Variants in CNOT2 observed in about 807,000 individuals in gnomAD.
The protein encoded by CNOT2 is CCR4-NOT transcription complex subunit 2.
A neutral mutation model predicts 72.1 loss-of-function variants in CNOT2; 7 were observed. The ratio of observed to expected loss-of-function variants is 0.10; its 90% confidence interval spans 0.06 to 0.18. The LOEUF (loss-of-function observed/expected upper bound fraction) is 0.18, where lower values mean the gene tolerates loss of function less well. Ranked by LOEUF, CNOT2 falls within the 10% of genes least tolerant of loss-of-function variation. CNOT2 has a pLI of 1.00. For missense variants in CNOT2, 345 were observed against 660.3 expected (o/e 0.52, Z 5.23); for synonymous variants, 196 against 225.6 (o/e 0.87, Z 1.17).
At position 70,258,958 on chromosome 12, in the gene CNOT2, A is replaced by G. The variant is rs564322042; in HGVS notation, c.-96+15478A>G. On this transcript the variant is annotated intron_variant, in intron 1 of 15. Transcript: ENST00000229195. ...AAGGAAGAGAATGGTAGATGGGTAC[A>G]GAAAAGGGCAAATGAGGAAAGACTT... Among the ~76,000 whole-genome samples, 9 of 152,350 alleles carry G rather than the reference A, an allele frequency of 5.9e-5. No individual in the cohort carries two copies. The South Asian group carries it at 1.9e-3, about 32-fold the overall frequency.
At chr12:70,265,898 A>G (rs893598062) in intron 1 of CNOT2, among the ~76,000 whole-genome samples, 2 of 151,986 alleles carry the variant, frequency 1.3e-5, no homozygotes, top group Non-Finnish European at 2.9e-5. Flanking sequence ...AGATATGCAC[A>G]GTTCAATTTT....
intron 1 of CNOT2, among the ~76,000 whole-genome samples, chr12:70,275,789 C>T (rs1053965075): frequency 1.3e-5 from 2 of 152,076 alleles, no homozygotes; most frequent in Non-Finnish European, 2.9e-5. Flanking sequence ...CAGATTGTGT[C>T]TCTCTTTGAC....
Position 70,354,065 on chromosome 12 carries a change from C to A in CNOT2, c.*150C>A, listed in dbSNP as rs1883207667. 1 of 1,336,952 alleles carries A rather than the reference C, an allele frequency of 7.5e-7. No homozygotes were observed. The allele number at this position is 1,336,952 out of a possible 1,614,324, so 82.8% of individuals were successfully genotyped here. On this transcript the variant is annotated 3_prime_UTR_variant, in exon 16 of 16. Coordinates refer to ENST00000229195, the MANE Select transcript of CNOT2 (RefSeq NM_014515.7). ...GGCAATTGGCTTACGCAAAAGGTCA[C>A]CATTTGAGGTCCTGCCTTACTAATT...
chr12:70,342,043 C>T, intron 11 of CNOT2, 64 bp from the exon 12 acceptor site: 6 of 1,042,496 alleles, frequency 5.8e-6, no homozygotes, highest in Non-Finnish European at 9.1e-6. Flanking sequence ...TTTGTTTTTC[C>T]TGAAATAAAA....
intron 2 of CNOT2, among the ~76,000 whole-genome samples, chr12:70,295,128 C>T (rs1163397055): frequency 6.6e-6 from 1 of 152,146 alleles, no homozygotes; most frequent in Non-Finnish European, 1.5e-5. Context: ...TTCTTTCGTT[C>T]TCCTACATCT....
At position 70,354,541 on chromosome 12, in the gene CNOT2, T is replaced by C. The variant is rs1388504544; in HGVS notation, c.*626T>C. On this transcript the variant is annotated 3_prime_UTR_variant, in exon 16 of 16. Coordinates refer to ENST00000229195, the MANE Select transcript of CNOT2 (RefSeq NM_014515.7). Reference sequence around the variant, plus strand: ...GGTTGTGTTATTACTGAGCTTCATCTTTCCAGAATGAGCAAAACACTGTCC... The same window carrying C: ...GGTTGTGTTATTACTGAGCTTCATCCTTCCAGAATGAGCAAAACACTGTCC... 1.3e-5 allele frequency: 2 copies of C among 152,684 alleles called. No individual in the cohort carries two copies. Among genetic ancestry groups the C allele is most frequent in the Non-Finnish European group, 2.9e-5 (2 of 68,046 alleles). 9.5% of individuals were successfully genotyped at this position (152,684 alleles called of 1,614,324 possible).
At chr12:70,333,373 CA>C in intron 7 of CNOT2, among the ~76,000 whole-genome samples, 1 of 151,928 alleles carries the variant, frequency 6.6e-6, no homozygotes, top group East Asian at 1.9e-4. Context: ...CATGGAAAAC[CA>C]ACTCTGATTT....
At chr12:70,308,802 TACAA>T (rs1009825018) in intron 2 of CNOT2, among the ~76,000 whole-genome samples, 16 of 152,302 alleles carry the variant, frequency 1.1e-4, no homozygotes, top group African/African-American at 3.4e-4. Flanking sequence ...ATAAGTGTTA[TACAA>T]ACAGTGTCAA....
intron 2 of CNOT2, among the ~76,000 whole-genome samples, chr12:70,300,206 AG>A: frequency 6.6e-6 from 1 of 152,272 alleles, no homozygotes; most frequent in Admixed American, 6.5e-5. Context: ...TTTGCTGTGC[AG>A]AAGCTCTTTA....
At chr12:70,299,387 C>T (rs1217070931) in intron 2 of CNOT2, among the ~76,000 whole-genome samples, 2 of 137,868 alleles carry the variant, frequency 1.5e-5, no homozygotes, top group South Asian at 5.2e-4. Flanking sequence ...CCCCACCCCC[C>T]AACAGTCCCC....
At chr12:70,259,593 A>G (rs1246956497) in intron 1 of CNOT2, among the ~76,000 whole-genome samples, 3 of 152,166 alleles carry the variant, frequency 2.0e-5, no homozygotes, top group African/African-American at 7.2e-5. Context: ...AGATTCGAAC[A>G]AACGGGTTTG....
intron 8 of CNOT2, chr12:70,336,225 C>T (rs1880679730): frequency 2.6e-5 from 4 of 152,170 alleles, no homozygotes; most frequent in Non-Finnish European, 5.9e-5. Context: ...GCTCATGGGT[C>T]ATGTATAGCT....
chr12:70,251,274 G>A (rs1394285959), intron 1 of CNOT2, among the ~76,000 whole-genome samples: 3 of 152,100 alleles, frequency 2.0e-5, no homozygotes, highest in Non-Finnish European at 2.9e-5. Context: ...TTGTTTCAGG[G>A]AGTTAATGAG....
intron 2 of CNOT2, among the ~76,000 whole-genome samples, chr12:70,303,837 G>A (rs61403642): frequency 0.15 from 22,478 of 152,100 alleles, 1,991 homozygotes; most frequent in Admixed American, 0.28. Context: ...CATTCTCCCC[G>A]TCACTTTCAG....
intron 8 of CNOT2, 52 bp from the exon 9 acceptor site, chr12:70,337,337 C>G: frequency 6.6e-7 from 1 of 1,507,794 alleles, no homozygotes; most frequent in Non-Finnish European, 9.2e-7. Flanking sequence ...TAATCTGTAG[C>G]AAAATATCAT....
chr12:70,306,291 G>T (rs1301948372), intron 2 of CNOT2, among the ~76,000 whole-genome samples: 1 of 152,114 alleles, frequency 6.6e-6, no homozygotes, highest in African/African-American at 2.4e-5. Context: ...GAGTAGCTGG[G>T]ATTACAGGTG....
At chr12:70,298,202 A>G (rs1396592237) in intron 2 of CNOT2, among the ~76,000 whole-genome samples, 1 of 152,216 alleles carries the variant, frequency 6.6e-6, no homozygotes, top group African/African-American at 2.4e-5. Context: ...TTCTTGTGCT[A>G]AAGTGATCTT....
chr12:70,320,546 TA>T (rs1024177270), intron 4 of CNOT2, among the ~76,000 whole-genome samples: 2 of 151,698 alleles, frequency 1.3e-5, no homozygotes, highest in African/African-American at 2.4e-5. Flanking sequence ...GCTTATTACA[TA>T]AAAAAATTGT....
chr12:70,292,287 T>C (rs1872052698), intron 2 of CNOT2, among the ~76,000 whole-genome samples: 1 of 152,124 alleles, frequency 6.6e-6, no homozygotes, highest in Admixed American at 6.5e-5. Flanking sequence ...AAACCCCAAC[T>C]GTGGGACATT....
Sources: allele counts gnomAD v4.1 joint callset (sites outside exome capture counted in the v4.1 genomes callset), GRCh38; gene constraint gnomAD v4.1.1; transcripts MANE v1.5; gene names NCBI Gene and HGNC (gene_info 2026-07-23, HGNC 2026-07-21).